RAB27A: variants seen among roughly 807,000 people sequenced by gnomAD.
RAB27A encodes ras-related protein Rab-27A.
Under a neutral mutation model 20.8 loss-of-function variants are expected in RAB27A, and 17 were observed. That is an observed-to-expected ratio of 0.82 (90% CI 0.56 to 1.23). The LOEUF (loss-of-function observed/expected upper bound fraction) is 1.23. Among genes scored for constraint, RAB27A ranks in the 50% most tolerant of loss-of-function variants. The pLI is 0.00. For missense variants in RAB27A, 277 were observed against 266.7 expected (o/e 1.04, Z -0.27); for synonymous variants, 85 against 92.8 (o/e 0.92, Z 0.48).
chr15:55,238,402 C>T (rs1444694052), intron 2 of RAB27A: 1 of 152,136 alleles, frequency 6.6e-6, no homozygotes, highest in African/African-American at 2.4e-5. Context: ...AGGAAACTCA[C>T]CAAGTCAAGC....
intron 6 of RAB27A, among the ~76,000 whole-genome samples, chr15:55,207,554 C>T (rs1894711161): frequency 6.6e-6 from 1 of 152,232 alleles, no homozygotes; most frequent in African/African-American, 2.4e-5. Flanking sequence ...TCCAATAGAA[C>T]TTCCCACAGT....
chr15:55,277,786 A>C (rs1897914226), intron 1 of RAB27A, among the ~76,000 whole-genome samples: 1 of 152,202 alleles, frequency 6.6e-6, no homozygotes, highest in Non-Finnish European at 1.5e-5. Context: ...TGGCCTTACT[A>C]TCAACTATGG....
intron 5 of RAB27A, among the ~76,000 whole-genome samples, chr15:55,224,308 C>T (rs1033509908): frequency 6.6e-6 from 1 of 152,238 alleles, no homozygotes; most frequent in East Asian, 1.9e-4. Flanking sequence ...TGCACACACA[C>T]ACATACAAAA....
At chr15:55,256,452 C>T (rs1204632046) in intron 2 of RAB27A, among the ~76,000 whole-genome samples, 2 of 152,138 alleles carry the variant, frequency 1.3e-5, no homozygotes, top group African/African-American at 4.8e-5. Context: ...GACCGTGACT[C>T]AAAGCAAGAG....
At chr15:55,318,886 G>T (rs2055093817) in intron 1 of RAB27A, 1 of 202,970 alleles carries the variant, frequency 4.9e-6, no homozygotes, top group Admixed American at 5.7e-5. Context: ...CACCAACACT[G>T]ACGTCTACAA....
intron 2 of RAB27A, among the ~76,000 whole-genome samples, chr15:55,246,414 T>G (rs1224397560): frequency 1.5e-5 from 2 of 130,696 alleles, no homozygotes; most frequent in Non-Finnish European, 3.4e-5. Flanking sequence ...TCAAATGAGA[T>G]ATCGGCTTTT....
intron 6 of RAB27A, among the ~76,000 whole-genome samples, chr15:55,209,794 A>G (rs564208116): frequency 0.01 from 1,320 of 130,634 alleles, 190 homozygotes; most frequent in African/African-American, 0.023. Flanking sequence ...ATATGTGTGT[A>G]TGTATACATA....
At chr15:55,281,240 A>G (rs895922325) in intron 1 of RAB27A, among the ~76,000 whole-genome samples, 3 of 152,128 alleles carry the variant, frequency 2.0e-5, no homozygotes, top group Non-Finnish European at 2.9e-5. Context: ...TTGATTTCCA[A>G]TTCACTGGGT....
chr15:55,256,462 G>A (rs1235666677), intron 2 of RAB27A, among the ~76,000 whole-genome samples: 1 of 152,142 alleles, frequency 6.6e-6, no homozygotes, highest in Non-Finnish European at 1.5e-5. Flanking sequence ...CAAAGCAAGA[G>A]CCAGGACCTG....
chr15:55,240,657 C>G (rs999382542), intron 2 of RAB27A, among the ~76,000 whole-genome samples: 4 of 152,128 alleles, frequency 2.6e-5, no homozygotes, highest in Non-Finnish European at 5.9e-5. Flanking sequence ...AACCAAGCCA[C>G]CTGTATTTGA....
At chr15:55,260,822 G>A (rs753272051) in intron 2 of RAB27A, among the ~76,000 whole-genome samples, 1 of 152,176 alleles carries the variant, frequency 6.6e-6, no homozygotes, top group Non-Finnish European at 1.5e-5. Context: ...TTAGGGCAGT[G>A]AAACTATTTT....
intron 3 of RAB27A, among the ~76,000 whole-genome samples, chr15:55,234,480 G>C (rs1024099186): frequency 6.6e-6 from 1 of 152,158 alleles, no homozygotes; most frequent in Non-Finnish European, 1.5e-5. Context: ...TGGTTGGCAG[G>C]CTTCAAGACA....
At chr15:55,286,572 A>C (rs1352470954) in intron 1 of RAB27A, among the ~76,000 whole-genome samples, 1 of 152,212 alleles carries the variant, frequency 6.6e-6, no homozygotes, top group East Asian at 1.9e-4. Context: ...TGAGGGGAAG[A>C]GCATTCCAGG....
intron 2 of RAB27A, chr15:55,237,230 C>G (rs1219588411): frequency 6.6e-6 from 1 of 152,122 alleles, no homozygotes; most frequent in Non-Finnish European, 1.5e-5. Context: ...TTCTATATAT[C>G]CATAAAATTA....
exon 1 of RAB27A, chr15:55,319,085 G>A: frequency 2.5e-6 from 2 of 808,212 alleles, no homozygotes; most frequent in Non-Finnish European, 3.7e-6. Context: ...AACGGCGAAA[G>A]GAAACCGCAA....
intron 2 of RAB27A, among the ~76,000 whole-genome samples, chr15:55,240,748 T>A (rs1486403112): frequency 3.3e-5 from 5 of 152,218 alleles, no homozygotes; most frequent in Non-Finnish European, 7.3e-5. Context: ...AGAGATTCTA[T>A]TTTATCAATT....
intron 2 of RAB27A, among the ~76,000 whole-genome samples, chr15:55,259,260 T>G (rs1250075695): frequency 6.6e-6 from 1 of 152,164 alleles, no homozygotes; most frequent in Non-Finnish European, 1.5e-5. Context: ...TCAAATTTAT[T>G]CTTTTTTATA....
At chr15:55,315,930 T>A (rs1170510552) in intron 1 of RAB27A, among the ~76,000 whole-genome samples, 1 of 152,080 alleles carries the variant, frequency 6.6e-6, no homozygotes, top group Non-Finnish European at 1.5e-5. Flanking sequence ...TACAAATCAT[T>A]CTACTATAAA....
chr15:55,209,199 A>G (rs998304797), intron 6 of RAB27A, among the ~76,000 whole-genome samples: 4 of 152,184 alleles, frequency 2.6e-5, no homozygotes, highest in African/African-American at 9.7e-5. Context: ...GTTGTAAACT[A>G]TAGTCACCCT....
Sources: gnomAD v4.1 joint callset for allele counts (sites outside exome capture counted in the v4.1 genomes callset) on GRCh38, gnomAD v4.1.1 for gene constraint, MANE v1.5 for transcripts, NCBI Gene and HGNC (gene_info 2026-07-23, HGNC 2026-07-21) for gene names.